Variants in TWSG1 observed in about 807,000 individuals in gnomAD.
TWSG1 encodes the protein twisted gastrulation BMP signaling modulator 1.
In TWSG1, 15 loss-of-function variants were observed where a neutral mutation model predicts 23.0. The observed-to-expected ratio is 0.65, with a 90% confidence interval of 0.44 to 1.00. The LOEUF is 1.00. Ranked by LOEUF, TWSG1 falls within the 50% of genes least tolerant of loss-of-function variation. The pLI is 0.00. For synonymous variants in TWSG1, 86 were observed against 92.8 expected (o/e 0.93, Z 0.42); for missense variants, 242 against 278.7 (o/e 0.87, Z 0.94).
At chr18:9,390,758 ACC>A (rs1054753685) in intron 3 of TWSG1, among the ~76,000 whole-genome samples, 1 of 152,186 alleles carries the variant, frequency 6.6e-6, no homozygotes, top group African/African-American at 2.4e-5. Context: ...ATGTCTATAA[ACC>A]CAGAGCTTTG....
At chr18:9,397,781 A>G (rs1294754517) in intron 4 of TWSG1, among the ~76,000 whole-genome samples, 1 of 152,098 alleles carries the variant, frequency 6.6e-6, no homozygotes, top group Non-Finnish European at 1.5e-5. Flanking sequence ...TGAGGCGGGC[A>G]CATCACCTGA....
intron 2 of TWSG1, among the ~76,000 whole-genome samples, chr18:9,350,098 C>T (rs1445648441): frequency 6.6e-6 from 1 of 152,066 alleles, no homozygotes; most frequent in Non-Finnish European, 1.5e-5. Flanking sequence ...CGAGATCGTG[C>T]CACTGCACTC....
chr18:9,384,609 T>C (rs770640032), intron 3 of TWSG1, among the ~76,000 whole-genome samples: 2 of 150,448 alleles, frequency 1.3e-5, no homozygotes, highest in Admixed American at 1.3e-4. Flanking sequence ...CTGCATCAGA[T>C]ATCTAAAAGG....
At chr18:9,344,490 C>CGTGCGTGTGT (rs1491456878) in intron 2 of TWSG1, among the ~76,000 whole-genome samples, 1 of 113,016 alleles carries the variant, frequency 8.8e-6, no homozygotes, top group African/African-American at 3.5e-5. Context: ...TTAGTGAATG[C>CGTGCGTGTGT]ATGTGTGTGT....
chr18:9,371,906 C>T (rs979974102), intron 3 of TWSG1, among the ~76,000 whole-genome samples: 2 of 151,268 alleles, frequency 1.3e-5, no homozygotes, highest in Non-Finnish European at 2.9e-5. Flanking sequence ...GCTGGGACTA[C>T]AGGCGCACAT....
chr18:9,344,491 ATGTGTGTGTG>A (rs57863617), intron 2 of TWSG1, among the ~76,000 whole-genome samples: 3 of 136,766 alleles, frequency 2.2e-5, no homozygotes, highest in Non-Finnish European at 4.6e-5. Context: ...TAGTGAATGC[ATGTGTGTGTG>A]TGTGTGTGTG....
At chr18:9,382,814 A>AAAAACC (rs34544881) in intron 3 of TWSG1, among the ~76,000 whole-genome samples, 3 of 137,070 alleles carry the variant, frequency 2.2e-5, no homozygotes, top group Non-Finnish European at 4.6e-5. Context: ...CTCAAAAAAA[A>AAAAACC]AAAAACAAAA....
chr18:9,338,766 A>G (rs1012014802), intron 2 of TWSG1, among the ~76,000 whole-genome samples: 6 of 152,208 alleles, frequency 3.9e-5, no homozygotes, highest in Non-Finnish European at 8.8e-5. Flanking sequence ...GATTGTTTCA[A>G]TGTAGCTTCA....
chr18:9,370,798 A>G (rs556000298), intron 3 of TWSG1, among the ~76,000 whole-genome samples: 10 of 152,196 alleles, frequency 6.6e-5, no homozygotes, highest in Non-Finnish European at 1.5e-4. Flanking sequence ...TCATTTAAGT[A>G]TCCTTTTCTG....
chr18:9,398,531 C>G (rs1217023682), intron 4 of TWSG1, among the ~76,000 whole-genome samples: 1 of 152,092 alleles, frequency 6.6e-6, no homozygotes, highest in South Asian at 2.1e-4. Flanking sequence ...AATCTCGGCT[C>G]ACTGCAACCT....
chr18:9,351,552 A>T lies in TWSG1; in HGVS notation c.124-8420A>T, dbSNP rs12326850. On this transcript the variant is annotated intron_variant, in intron 2 of 4. Transcript: ENST00000262120. Reference sequence around the variant, plus strand: ...TCTGCATTGCTTTAATACCAACTTAATGCTTTATATTTTTCAGTTTAGGTT... The same window carrying T: ...TCTGCATTGCTTTAATACCAACTTATTGCTTTATATTTTTCAGTTTAGGTT... Among the ~76,000 whole-genome samples the T allele has an allele frequency of 6.8e-3, 1,024 of 151,662 alleles. 7 individuals carry two copies. Among genetic ancestry groups the T allele is most frequent in the African/African-American group, 0.023 (946 of 41,384 alleles).
chr18:9,375,107 C>T (rs542377183), intron 3 of TWSG1, among the ~76,000 whole-genome samples: 4 of 137,190 alleles, frequency 2.9e-5, no homozygotes, highest in South Asian at 2.4e-4. Flanking sequence ...GCAGAGCTTG[C>T]GGTGAGCCAA....
chr18:9,396,603 A>G, intron 4 of TWSG1, 57 bp downstream of exon 4: 1 of 1,570,624 alleles, frequency 6.4e-7, no homozygotes, highest in Non-Finnish European at 8.6e-7. Context: ...CTGTCCATGT[A>G]ATCTATAAAA....
intron 1 of TWSG1, among the ~76,000 whole-genome samples, chr18:9,336,357 A>C (rs906391401): frequency 3.3e-5 from 5 of 151,588 alleles, no homozygotes; most frequent in Admixed American, 1.3e-4. Flanking sequence ...GCGCCACTGC[A>C]CTCCAGCCTG....
At chr18:9,339,671 T>C (rs1235654470) in intron 2 of TWSG1, among the ~76,000 whole-genome samples, 1 of 151,900 alleles carries the variant, frequency 6.6e-6, no homozygotes, top group Non-Finnish European at 1.5e-5. Context: ...AGCATGGCGG[T>C]GCATGCTTGT....
chr18:9,360,540 C>T (rs371869868), intron 3 of TWSG1, among the ~76,000 whole-genome samples: 11 of 152,112 alleles, frequency 7.2e-5, no homozygotes, highest in African/African-American at 2.4e-4. Flanking sequence ...GACCAGTTAA[C>T]TCATTTTTAA....
chr18:9,336,000 C>T (rs1265656312), intron 1 of TWSG1, among the ~76,000 whole-genome samples: 2 of 152,044 alleles, frequency 1.3e-5, no homozygotes, highest in Admixed American at 6.5e-5. Context: ...CTGTTTGGCC[C>T]CTGTCAGACT....
At chr18:9,372,788 A>C (rs1378959140) in intron 3 of TWSG1, among the ~76,000 whole-genome samples, 1 of 152,070 alleles carries the variant, frequency 6.6e-6, no homozygotes, top group East Asian at 1.9e-4. Flanking sequence ...AAATGGAATC[A>C]AATAAAATGC....
At position 9,399,598 on chromosome 18, in the gene TWSG1, G is replaced by A. The variant is rs1013992598; in HGVS notation, c.*71G>A. The A allele has an allele frequency of 6.8e-6, 9 of 1,332,050 alleles. No homozygotes were observed. The African/African-American group carries it at 8.9e-5, about 13-fold the overall frequency. The allele number at this position is 1,332,050 out of a possible 1,614,324, so 82.5% of individuals were successfully genotyped here. On this transcript the variant is annotated 3_prime_UTR_variant, in exon 5 of 5. Transcript: ENST00000262120. ...AAAAAGTTATTCTGTAAGTCTGTTG[G>A]TTGTATCTTGTATCAGAATCCCAGT...
Sources: gnomAD v4.1 joint callset for allele counts (sites outside exome capture counted in the v4.1 genomes callset) on GRCh38, gnomAD v4.1.1 for gene constraint, MANE v1.5 for transcripts, NCBI Gene and HGNC (gene_info 2026-07-23, HGNC 2026-07-21) for gene names.